Variants in KLC1 observed in about 807,000 individuals in gnomAD.
The protein encoded by KLC1 is kinesin 2 60/70kDa.
A neutral mutation model predicts 84.2 loss-of-function variants in KLC1; 30 were observed. That is an observed-to-expected ratio of 0.36 (90% CI 0.27 to 0.48). The LOEUF is 0.48. KLC1 is among the 20% of genes least tolerant of loss of function. The pLI is 0.99. For missense variants in KLC1, 499 were observed against 805.4 expected, an observed-to-expected ratio of 0.62 and a Z score of 4.60; for synonymous variants, 289 against 293.3, an observed-to-expected ratio of 0.99 and a Z score of 0.15.
At chr14:103,661,116 G>A (rs1326347597) in intron 3 of KLC1, among the ~76,000 whole-genome samples, 2 of 152,080 alleles carry the variant, frequency 1.3e-5, no homozygotes, top group Non-Finnish European at 2.9e-5. Flanking sequence ...GCTGCTGGGC[G>A]TCTTTCCCTA....
In KLC1 at chr14:103,662,853, G is replaced by A; in HGVS notation, c.723G>A (p.Glu241=). The A allele has an allele frequency of 6.2e-7, 1 of 1,613,710 alleles. No homozygotes were observed. The change falls in exon 5 of 17, where the codon GAG becomes GAA. Residue 241 remains glutamate, a synonymous_variant. Transcript: ENST00000334553. ...VAVPLCKQAL[E]DLEKTSGHDH... The stretch of plus-strand genomic sequence containing the variant: ...TGCCCCTCTGCAAGCAGGCCCTGGA[G>A]GACCTGGAGAAGACTTCAGGACACG...
chr14:103,651,235 C>T (rs905392566), intron 1 of KLC1, among the ~76,000 whole-genome samples: 2 of 152,134 alleles, frequency 1.3e-5, no homozygotes, highest in African/African-American at 4.8e-5. Context: ...GTCTTGAACT[C>T]TTGACCTCGT....
chr14:103,691,176 T>TTC (rs1489589531), intron 14 of KLC1, among the ~76,000 whole-genome samples: 5 of 123,254 alleles, frequency 4.1e-5, no homozygotes, highest in African/African-American at 1.4e-4. Flanking sequence ...TTTTTTTTTC[T>TTC]GAGACAGAGT....
intron 11 of KLC1, 94 bp downstream of exon 11, chr14:103,675,850 T>C (rs370037282): frequency 9.8e-7 from 1 of 1,022,496 alleles, no homozygotes; most frequent in African/African-American, 1.6e-5. Flanking sequence ...CAATGTGTAG[T>C]GTTCCTTAAG....
chr14:103,644,580 C>T (rs1444009877), intron 1 of KLC1, among the ~76,000 whole-genome samples: 1 of 151,820 alleles, frequency 6.6e-6, no homozygotes, highest in South Asian at 2.1e-4. Context: ...TTTTTTTCCT[C>T]CCTCTCTGGA....
At chr14:103,666,266 T>A (rs911926364) in intron 5 of KLC1, among the ~76,000 whole-genome samples, 1 of 152,126 alleles carries the variant, frequency 6.6e-6, no homozygotes, top group Non-Finnish European at 1.5e-5. Context: ...AGTTTCACCA[T>A]GTTAGCCAGG....
At position 103,654,845 on chromosome 14, in the gene KLC1, A is replaced by G; in HGVS notation, c.261+20A>G. 3 of 1,595,424 alleles carry G rather than the reference A, an allele frequency of 1.9e-6. No homozygotes were observed. Among genetic ancestry groups the G allele is most frequent in the Middle Eastern group, 1.7e-4 (1 of 5,962 alleles). On this transcript the variant is annotated intron_variant, in intron 2 of 16. Coordinates refer to ENST00000334553, the MANE Select transcript of KLC1 (RefSeq NM_001394837.1). ...GCACAGGTACGAGTGAGAATGACTC[A>G]GACGTTATCAGGAACTTTTGATGGT...
intron 14 of KLC1, among the ~76,000 whole-genome samples, chr14:103,688,333 T>C (rs1294536016): frequency 1.3e-5 from 2 of 152,142 alleles, no homozygotes; most frequent in African/African-American, 2.4e-5. Context: ...GTATTTTTAG[T>C]AGAAACGGGG....
intron 3 of KLC1, among the ~76,000 whole-genome samples, chr14:103,661,136 G>T (rs1049378036): frequency 2.6e-5 from 4 of 152,114 alleles, no homozygotes; most frequent in East Asian, 1.9e-4. Context: ...AGGGTGAGGG[G>T]TTCTCCTGTG....
At chr14:103,644,370 TGCCTCAGCTTCCCGAGTA>T (rs1044180183) in intron 1 of KLC1, among the ~76,000 whole-genome samples, 6 of 151,610 alleles carry the variant, frequency 4.0e-5, no homozygotes, top group African/African-American at 1.5e-4. Flanking sequence ...AGCAATTCTC[TGCCTCAGCTTCCCGAGTA>T]GCTGGGATTA....
chr14:103,678,304 C>T (rs1374649907), intron 12 of KLC1, among the ~76,000 whole-genome samples: 1 of 151,734 alleles, frequency 6.6e-6, no homozygotes, highest in Non-Finnish European at 1.5e-5. Context: ...TGAATATGAC[C>T]CCAAAAGCAT....
At chr14:103,698,828 C>CA (rs745775675) in intron 15 of KLC1, 10 of 1,605,362 alleles carry the variant, frequency 6.2e-6, no homozygotes, top group Non-Finnish European at 8.5e-6. Context: ...GTGTCCCTCG[C>CA]ACCCCTTCGG....
At chr14:103,670,523 G>T (rs2080283196) in intron 7 of KLC1, among the ~76,000 whole-genome samples, 1 of 151,910 alleles carries the variant, frequency 6.6e-6, no homozygotes, top group Non-Finnish European at 1.5e-5. Flanking sequence ...TTGTAGTAGA[G>T]ATGGGGTTTC....
In KLC1 at chr14:103,657,579, G is replaced by A; in HGVS notation, c.295G>A (p.Val99Met). 4 of 1,614,198 alleles carry A rather than the reference G, an allele frequency of 2.5e-6. No individual in the cohort carries two copies. In the East Asian group the frequency reaches 6.7e-5, roughly 27 times the overall value. Residue 99 changes from valine to methionine, a missense_variant, in exon 3 of 17, where the codon GTG becomes ATG. This residue lies in a region of KLC1 where 179 missense variants were observed against 264.2 expected (regional missense o/e 0.68). Coordinates refer to ENST00000334553, the MANE Select transcript of KLC1 (RefSeq NM_001394837.1). ...MMALSNHLNAVESEKQKLRAQ... is the reference protein window; with the variant it reads ...MMALSNHLNAMESEKQKLRAQ... ...GGCTTTGTCAAATCACCTGAATGCT[G>A]TGGAGTCCGAGAAGCAGAAACTGCG...
chr14:103,635,648 G>A (rs1026050323), intron 1 of KLC1, among the ~76,000 whole-genome samples: 1 of 152,022 alleles, frequency 6.6e-6, no homozygotes, highest in Non-Finnish European at 1.5e-5. Flanking sequence ...CGGGTATTTG[G>A]GAAGCTGAGG....
At position 103,669,405 on chromosome 14, in the gene KLC1, A is replaced by G. The variant is rs113555687; in HGVS notation, c.798-106A>G. On this transcript the variant is annotated intron_variant, in intron 5 of 16. Transcript: ENST00000334553. ...GCCAAGATGGCACCACTGCACTCCA[A>G]CCTGTGCAACAGAGTCAGACTCTGT... The G allele has an allele frequency of 4.3e-4, 287 of 663,426 alleles. 1 individual carries two copies. Among genetic ancestry groups the G allele is most frequent in the African/African-American group, 3.2e-3 (172 of 54,224 alleles). 41.1% of individuals were successfully genotyped at this position (663,426 alleles called of 1,614,324 possible).
chr14:103,699,476 C>A, intron 15 of KLC1: 1 of 1,612,764 alleles, frequency 6.2e-7, no homozygotes, highest in Non-Finnish European at 8.5e-7. Context: ...GTCAAATTCA[C>A]AGCGGAATGG....
rs369199666 is a variant in KLC1 at position 103,669,505 on chromosome 14, A to G, written c.798-6A>G. On this transcript the variant is annotated splice_region_variant and splice_polypyrimidine_tract_variant and intron_variant, in intron 5 of 16. Coordinates refer to ENST00000334553, the MANE Select transcript of KLC1 (RefSeq NM_001394837.1). ...TGAAACACTTAATGTGTGTTTTTCC[A>G]TTTAGGGATCAGAATAAATACAAAG... is the stretch of plus-strand genomic sequence containing the variant. 1.8e-5 allele frequency: 28 copies of G among 1,558,974 alleles called. No individual in the cohort carries two copies. Among genetic ancestry groups the G allele is most frequent in the Non-Finnish European group, 2.4e-5 (27 of 1,131,302 alleles).
rs769330470 is a variant in KLC1 at position 103,657,671 on chromosome 14, G to T, written c.387G>T (p.Gln129His). 4.3e-6 allele frequency: 7 copies of T among 1,614,094 alleles called. No individual in the cohort carries two copies. Among genetic ancestry groups the T allele is most frequent in the Non-Finnish European group, 5.9e-6 (7 of 1,180,050 alleles). Residue 129 changes from glutamine (Q) to histidine (H), a missense_variant, in exon 3 of 17, where the codon CAG (glutamine) becomes CAT (histidine). Coordinates refer to ENST00000334553, the MANE Select transcript of KLC1 (RefSeq NM_001394837.1). The stretch of plus-strand genomic sequence containing the variant: ...GGGATGAACTGGCCAACACGCAGCA[G>T]AAACTGCAGAAGAGTGAGCAGTCTG... ...WLRDELANTQ[Q>H]KLQKSEQSVA...
Sources: gnomAD v4.1 joint callset for allele counts (sites outside exome capture counted in the v4.1 genomes callset) on GRCh38, gnomAD v4.1.1 for gene constraint, gnomAD v4.1.1 regional missense constraint, MANE v1.5 for transcripts, NCBI Gene and HGNC (gene_info 2026-07-23, HGNC 2026-07-21) for gene names.